DISC1: variants seen among roughly 807,000 people sequenced by gnomAD.
The protein encoded by DISC1 is DISC1 scaffold protein.
DISC1 carries 57 observed loss-of-function variants against 84.5 expected under a neutral mutation model. That is an observed-to-expected ratio of 0.67 (90% CI 0.55 to 0.84). DISC1 has a LOEUF of 0.84. Among genes scored for constraint, DISC1 ranks in the 40% least tolerant of loss-of-function variants. The probability of loss-of-function intolerance (pLI) is 0.00; values close to 1 mark genes in which losing one functional copy is unlikely to be tolerated. For missense variants in DISC1, 1,000 were observed against 1,057.8 expected (o/e 0.95, Z 0.76); for synonymous variants, 411 against 415.2 (o/e 0.99, Z 0.12).
chr1:231,769,221 T>G (rs186621503), intron 5 of DISC1, among the ~76,000 whole-genome samples: 2 of 152,282 alleles, frequency 1.3e-5, no homozygotes, highest in African/African-American at 4.8e-5. Context: ...CTTAAAAGAT[T>G]AAAAATTGAT....
At chr1:231,827,190 C>A (rs2081914164) in intron 9 of DISC1, among the ~76,000 whole-genome samples, 1 of 151,876 alleles carries the variant, frequency 6.6e-6, no homozygotes, top group Non-Finnish European at 1.5e-5. Context: ...GTTTCACCAT[C>A]CTGGCCAGGC....
In DISC1 at chr1:231,886,770, T is replaced by TCTTCCGTCCTTC. The variant is rs1230361593; in HGVS notation, c.1981+68256_1981+68257insCCGTCCTTCCTT. Among the ~76,000 whole-genome samples, 123 of 38,284 alleles carry TCTTCCGTCCTTC rather than the reference T, an allele frequency of 3.2e-3. 1 individual carries two copies. The highest frequency in any genetic ancestry group is 0.011 in the African/African-American group (113 of 10,570). 25.1% of individuals were successfully genotyped at this position (38,284 alleles called of 152,430 possible). Reference sequence around the variant, plus strand: ...TTCTTCCTTTCTTCCTTCCTTCCTTTCTTTCTTTCTTTCTTTCTTTCTTTC... The same window carrying TCTTCCGTCCTTC: ...TTCTTCCTTTCTTCCTTCCTTCCTTTCTTCCGTCCTTCCTTTCTTTCTTTCTTTCTTTCTTTC... On this transcript the variant is annotated intron_variant, in intron 9 of 12. Coordinates refer to ENST00000439617, the MANE Select transcript of DISC1 (RefSeq NM_018662.3).
At chr1:232,005,243 C>T (rs1055078024) in intron 10 of DISC1, among the ~76,000 whole-genome samples, 2 of 151,952 alleles carry the variant, frequency 1.3e-5, no homozygotes, top group African/African-American at 2.4e-5. Flanking sequence ...TTCTTGTACA[C>T]AAGAAGTCCC....
chr1:231,931,364 G>A (rs1406558660), intron 9 of DISC1, among the ~76,000 whole-genome samples: 1 of 152,156 alleles, frequency 6.6e-6, no homozygotes, highest in Admixed American at 6.5e-5. Flanking sequence ...TTACTGTTCT[G>A]GTGCATTTGT....
chr1:231,998,094 G>T (rs1398132761), intron 10 of DISC1, among the ~76,000 whole-genome samples: 2 of 152,130 alleles, frequency 1.3e-5, no homozygotes, highest in African/African-American at 4.8e-5. Context: ...GAAAATCAAA[G>T]AATGCAAAGT....
intron 11 of DISC1, among the ~76,000 whole-genome samples, chr1:232,025,470 G>C (rs1242848644): frequency 6.6e-6 from 1 of 152,150 alleles, no homozygotes; most frequent in Non-Finnish European, 1.5e-5. Flanking sequence ...GAAAAAGTGA[G>C]AGAAGGAAGG....
intron 4 of DISC1, among the ~76,000 whole-genome samples, chr1:231,758,138 G>A (rs532492801): frequency 2.2e-4 from 34 of 151,920 alleles, no homozygotes; most frequent in African/African-American, 5.3e-4. Flanking sequence ...CCATTTGTCC[G>A]TGTGGTGACC....
chr1:231,938,639 C>T (rs531479511), intron 9 of DISC1, among the ~76,000 whole-genome samples: 47 of 152,302 alleles, frequency 3.1e-4, no homozygotes, highest in African/African-American at 1.1e-3. Context: ...GACCTCTGAC[C>T]TACAGAACCA....
At chr1:231,653,230 C>A (rs1418634519) in intron 1 of DISC1, among the ~76,000 whole-genome samples, 4 of 152,214 alleles carry the variant, frequency 2.6e-5, no homozygotes, top group African/African-American at 9.6e-5. Context: ...ATTCTGAAAT[C>A]TCAGTGGCTT....
intron 3 of DISC1, chr1:231,720,722 C>T: frequency 3.0e-6 from 2 of 675,738 alleles, no homozygotes; most frequent in Middle Eastern, 3.1e-4. Context: ...TGATTTTTTT[C>T]CCTTGGGGCT....
At chr1:231,723,206 G>T (rs1363776421) in intron 3 of DISC1, 2 of 870,410 alleles carry the variant, frequency 2.3e-6, no homozygotes, top group Non-Finnish European at 1.4e-6. Flanking sequence ...GATTCATGTT[G>T]GATTAAGGAT....
intron 9 of DISC1, among the ~76,000 whole-genome samples, chr1:231,900,245 G>A (rs1007864048): frequency 1.3e-5 from 2 of 152,168 alleles, no homozygotes; most frequent in Non-Finnish European, 2.9e-5. Flanking sequence ...TCTTAGCTCA[G>A]ATTCTCTTTG....
chr1:231,647,762 A>G (rs1022596248), intron 1 of DISC1, among the ~76,000 whole-genome samples: 6 of 152,174 alleles, frequency 3.9e-5, no homozygotes, highest in Non-Finnish European at 7.3e-5. Flanking sequence ...TTCTCCTTGA[A>G]GAGGTTCTTT....
intron 10 of DISC1, among the ~76,000 whole-genome samples, chr1:232,004,989 T>G (rs1667213846): frequency 1.6e-5 from 1 of 62,236 alleles, no homozygotes; most frequent in African/African-American, 1.4e-4. Flanking sequence ...TCCATCCTTC[T>G]TCTCTTCTTT....
At chr1:231,777,356 G>T (rs1444471006) in intron 6 of DISC1, among the ~76,000 whole-genome samples, 15 of 152,076 alleles carry the variant, frequency 9.9e-5, no homozygotes, top group Admixed American at 9.8e-4. Context: ...CAAGTGCTAG[G>T]ATTATAGGTG....
At chr1:231,705,554 G>A (rs1000604531) in intron 3 of DISC1, among the ~76,000 whole-genome samples, 1 of 151,912 alleles carries the variant, frequency 6.6e-6, no homozygotes, top group Non-Finnish European at 1.5e-5. Flanking sequence ...GGAGACTTGC[G>A]GCTGACTATG....
At chr1:231,840,221 G>A (rs1174625506) in intron 9 of DISC1, among the ~76,000 whole-genome samples, 2 of 152,146 alleles carry the variant, frequency 1.3e-5, no homozygotes, top group Non-Finnish European at 2.9e-5. Flanking sequence ...TGTAAGAGTA[G>A]AGCCATCTGG....
chr1:231,955,705 G>C (rs1425444806), intron 9 of DISC1, among the ~76,000 whole-genome samples: 4 of 151,950 alleles, frequency 2.6e-5, no homozygotes, highest in African/African-American at 9.7e-5. Context: ...GGCCAGGCTG[G>C]TCTTGAACTC....
rs562255861 is a variant in DISC1, at chr1:232,006,660, A to G, written c.2043-2125A>G. 7.2e-5 allele frequency among the ~76,000 whole-genome samples: 11 copies of G among 152,344 alleles called. No individual in the cohort carries two copies. The South Asian group carries it at 2.3e-3, about 32-fold the overall frequency. On this transcript the variant is annotated intron_variant, in intron 10 of 12. Coordinates refer to ENST00000439617, the MANE Select transcript of DISC1 (RefSeq NM_018662.3). The stretch of plus-strand genomic sequence containing the variant: ...TGTTTAAAAGGGAAGCAGGGCATAA[A>G]ATTTTAGAAAATTCACAGCCTGATG...
Sources: gnomAD v4.1 joint callset for allele counts (sites outside exome capture counted in the v4.1 genomes callset) on GRCh38, gnomAD v4.1.1 for gene constraint, MANE v1.5 for transcripts, NCBI Gene and HGNC (gene_info 2026-07-23, HGNC 2026-07-21) for gene names.